GCNT1: variants seen among roughly 807,000 people sequenced by gnomAD.
GCNT1 encodes the protein beta-1,3-galactosyl-O-glycosyl-glycoprotein beta-1,6-N-acetylglucosaminyltransferase.
In GCNT1, 16 loss-of-function variants were observed where a neutral mutation model predicts 26.2. That is an observed-to-expected ratio of 0.61 (90% CI 0.41 to 0.93). The LOEUF (loss-of-function observed/expected upper bound fraction) is 0.93. Among genes scored for constraint, GCNT1 ranks in the 40% least tolerant of loss-of-function variants. The probability of loss-of-function intolerance (pLI) is 0.00; values close to 1 mark genes in which losing one functional copy is unlikely to be tolerated. For missense variants in GCNT1, 477 were observed against 526.7 expected (o/e 0.91, Z 0.92); for synonymous variants, 183 against 190.8 (o/e 0.96, Z 0.34).
intron 1 of GCNT1, among the ~76,000 whole-genome samples, chr9:76,450,126 C>G (rs1327102955): frequency 1.3e-5 from 2 of 152,122 alleles, no homozygotes; most frequent in African/African-American, 2.4e-5. Context: ...AAATTCTGTC[C>G]TGTCTGGCAA....
intron 1 of GCNT1, among the ~76,000 whole-genome samples, chr9:76,429,501 C>T (rs1019512822): frequency 3.9e-5 from 6 of 152,126 alleles, no homozygotes; most frequent in African/African-American, 1.4e-4. Flanking sequence ...TATTATTTCT[C>T]ATGATTTTTT....
chr9:76,398,857 G>T, the GCNT1 span: 3 of 1,474,206 alleles, frequency 2.0e-6, no homozygotes, highest in Non-Finnish European at 2.8e-6. Flanking sequence ...ATCTGAAGAG[G>T]ACCTGGGAGA....
chr9:76,481,322 G>A (rs1482611782), intron 2 of GCNT1, among the ~76,000 whole-genome samples: 1 of 151,548 alleles, frequency 6.6e-6, no homozygotes, highest in African/African-American at 2.4e-5. Context: ...AAGACTTTAG[G>A]ACAAGCTTGT....
At chr9:76,430,147 G>C (rs1823316633) in intron 1 of GCNT1, among the ~76,000 whole-genome samples, 1 of 152,126 alleles carries the variant, frequency 6.6e-6, no homozygotes, top group Non-Finnish European at 1.5e-5. Flanking sequence ...ATATAGTAAA[G>C]CGTTATGTAT....
At chr9:76,498,697 C>T (rs903523019) in intron 2 of GCNT1, among the ~76,000 whole-genome samples, 2 of 150,612 alleles carry the variant, frequency 1.3e-5, no homozygotes, top group Admixed American at 1.3e-4. Context: ...TGCTTGAACC[C>T]GGGAGCCAGA....
At chr9:76,432,136 T>C (rs755234658) in intron 1 of GCNT1, among the ~76,000 whole-genome samples, 2 of 151,880 alleles carry the variant, frequency 1.3e-5, no homozygotes, top group Non-Finnish European at 2.9e-5. Flanking sequence ...GGAAAGAAAT[T>C]CCAAGGGTTT....
At chr9:76,492,591 G>A (rs1345296834) in intron 2 of GCNT1, among the ~76,000 whole-genome samples, 1 of 150,668 alleles carries the variant, frequency 6.6e-6, no homozygotes, top group Admixed American at 6.7e-5. Context: ...GGCACCCTCA[G>A]TCCTTTTGTT....
intron 2 of GCNT1, among the ~76,000 whole-genome samples, chr9:76,469,608 T>A (rs1824086052): frequency 6.6e-6 from 1 of 152,202 alleles, no homozygotes; most frequent in African/African-American, 2.4e-5. Context: ...TTGCTTATTG[T>A]CCACCATTGT....
intron 2 of GCNT1, among the ~76,000 whole-genome samples, chr9:76,476,444 A>G (rs1010525279): frequency 2.0e-5 from 3 of 152,118 alleles, no homozygotes; most frequent in African/African-American, 7.2e-5. Context: ...AAAAAGAGAA[A>G]AAGAAAAAAG....
rs571902841 is a variant in GCNT1, at chr9:76,450,402, T to C, written c.-290+8087T>C. Among the ~76,000 whole-genome samples the C allele has an allele frequency of 3.3e-5, 5 of 152,362 alleles. No homozygotes were observed. In the South Asian group the frequency reaches 1.0e-3, roughly 32 times the overall value. On this transcript the variant is annotated intron_variant, in intron 1 of 2. Transcript: ENST00000442371. ...CCTTACATTGTTTACAGTGTTTCGA[T>C]TCTGAAATCTTTGTGTATTTGTAAA...
the GCNT1 span, among the ~76,000 whole-genome samples, chr9:76,413,653 G>GTTTTTTTTTTTTTGTTTTTTTTTT: frequency 8.4e-6 from 1 of 118,664 alleles, no homozygotes; most frequent in Non-Finnish European, 1.8e-5. Flanking sequence ...GTTTTGTTTT[G>GTTTTTTTTTTTTTGTTTTTTTTTT]TTTTTTTTTT....
chr9:76,429,465 A>G (rs1823304997), intron 1 of GCNT1, among the ~76,000 whole-genome samples: 2 of 152,314 alleles, frequency 1.3e-5, no homozygotes, highest in South Asian at 4.1e-4. Flanking sequence ...ATCATTCCTT[A>G]ATACAGTGGC....
intron 2 of GCNT1, among the ~76,000 whole-genome samples, chr9:76,468,211 G>C (rs1194330280): frequency 6.6e-6 from 1 of 152,128 alleles, no homozygotes; most frequent in Non-Finnish European, 1.5e-5. Flanking sequence ...CTTCAGTCCT[G>C]TGTCTTGTAC....
Position 76,484,283 on chromosome 9 carries a change from G to A in GCNT1, c.-289-16633G>A, listed in dbSNP as rs141956462. On this transcript the variant is annotated intron_variant, in intron 2 of 3. Transcript: ENST00000376730. ...TTGCAGCTACTTGAGAGGCTAAGGTGGAAGGATCCCCAGGAGTTTGAGCCT... is the reference window on the plus strand; with the variant it reads ...TTGCAGCTACTTGAGAGGCTAAGGTAGAAGGATCCCCAGGAGTTTGAGCCT... Among the ~76,000 whole-genome samples, 527 of 151,860 alleles carry A rather than the reference G, an allele frequency of 3.5e-3. 2 individuals are homozygous for A. Among genetic ancestry groups the A allele is most frequent in the African/African-American group, 0.011 (465 of 41,422 alleles).
the GCNT1 span, among the ~76,000 whole-genome samples, chr9:76,409,510 A>G: frequency 1.3e-5 from 2 of 152,048 alleles, no homozygotes; most frequent in African/African-American, 2.4e-5. Flanking sequence ...TGGTGGTGCA[A>G]TCTTGGCTCA....
At chr9:76,459,996 G>C (rs1206049810) in intron 1 of GCNT1, 64 bp from the exon 2 acceptor site, 1 of 152,170 alleles carries the variant, frequency 6.6e-6, no homozygotes, top group African/African-American at 2.4e-5. Context: ...ATTCCTCCAA[G>C]TTTTGGTTAT....
rs530682997 is a variant in GCNT1, at chr9:76,460,940, A to G, written c.-290+763A>G. 6.6e-5 allele frequency among the ~76,000 whole-genome samples: 10 copies of G among 152,328 alleles called. No homozygotes were observed. In the East Asian group the frequency reaches 9.6e-4, roughly 15 times the overall value. On this transcript the variant is annotated intron_variant, in intron 2 of 3. Coordinates refer to ENST00000376730, the MANE Select transcript of GCNT1 (RefSeq NM_001490.5). ...AGTTCATTCTTGATTAATGATAGCA[A>G]TGCTTCCACTCACTTTTTAAGGAGT...
chr9:76,483,404 T>G (rs201315840), intron 2 of GCNT1, among the ~76,000 whole-genome samples: 1 of 66,402 alleles, frequency 1.5e-5, no homozygotes, highest in Admixed American at 1.6e-4. Flanking sequence ...TAAGGAGGGG[T>G]TTTTTTTTTA....
At chr9:76,434,778 T>A (rs1163306650) in intron 1 of GCNT1, among the ~76,000 whole-genome samples, 1 of 152,194 alleles carries the variant, frequency 6.6e-6, no homozygotes, top group Non-Finnish European at 1.5e-5. Flanking sequence ...CGCTAAATTC[T>A]TTTCCTAGCA....
Sources: allele counts gnomAD v4.1 joint callset (sites outside exome capture counted in the v4.1 genomes callset), GRCh38; gene constraint gnomAD v4.1.1; transcripts MANE v1.5; gene names NCBI Gene and HGNC (gene_info 2026-07-23, HGNC 2026-07-21).